Variants in USH2A observed in about 807,000 individuals in gnomAD.
USH2A encodes the protein usherin.
A neutral mutation model predicts 538.9 loss-of-function variants in USH2A; 443 were observed. That is an observed-to-expected ratio of 0.82 (90% CI 0.76 to 0.89). USH2A has a LOEUF of 0.89. USH2A is among the 40% of genes least tolerant of loss of function. The pLI is 0.00. For synonymous variants in USH2A, 2,413 were observed against 2,273.5 expected (o/e 1.06, Z -1.75); for missense variants, 6,633 against 6,324.8 (o/e 1.05, Z -1.65).
At chr1:215,965,242 C>T (rs1667309416) in intron 37 of USH2A, 75 bp downstream of exon 37, 8 of 1,500,266 alleles carry the variant, frequency 5.3e-6, no homozygotes, top group Non-Finnish European at 7.3e-6. Flanking sequence ...AAGATTTTAG[C>T]CAAAAGAAAG....
At chr1:216,272,876 T>C (rs2036602575) in intron 11 of USH2A, among the ~76,000 whole-genome samples, 1 of 152,066 alleles carries the variant, frequency 6.6e-6, no homozygotes, top group Non-Finnish European at 1.5e-5. Flanking sequence ...ATGTATTTCA[T>C]ATGTTCAGCT....
Position 215,925,076 on chromosome 1 carries a change from A to G in USH2A, c.7300+9540T>C, listed in dbSNP as rs183675336. ...AATTGTTCACAAATTATGAAACAGG[A>G]ATTTATCCCTCTCTTTGGCTTATGA... On this transcript the variant is annotated intron_variant, in intron 38 of 71. Coordinates refer to ENST00000307340, the MANE Select transcript of USH2A (RefSeq NM_206933.4). Among the ~76,000 whole-genome samples the G allele has an allele frequency of 4.6e-3, 699 of 152,258 alleles. 21 individuals carry two copies. Among genetic ancestry groups the G allele is most frequent in the Admixed American group, 0.042 (641 of 15,264 alleles).
chr1:216,280,645 G>A (rs1172161602), intron 11 of USH2A, among the ~76,000 whole-genome samples: 1 of 152,122 alleles, frequency 6.6e-6, no homozygotes, highest in East Asian at 1.9e-4. Flanking sequence ...TTAGGATTCA[G>A]TGACTCAGAG....
chr1:215,969,148 A>G (rs1207167299), intron 36 of USH2A, among the ~76,000 whole-genome samples: 1 of 152,194 alleles, frequency 6.6e-6, no homozygotes, highest in Non-Finnish European at 1.5e-5. Flanking sequence ...AAATAAAGAC[A>G]TTGCTCTTCA....
At chr1:216,208,639 A>G (rs1292223294) in intron 15 of USH2A, among the ~76,000 whole-genome samples, 1 of 152,082 alleles carries the variant, frequency 6.6e-6, no homozygotes, top group Non-Finnish European at 1.5e-5. Flanking sequence ...TCTCAAGCCA[A>G]CCCTGAACCC....
At position 216,421,988 on chromosome 1, in the gene USH2A, G is replaced by A. The variant is rs372053865; in HGVS notation, c.349C>T (p.His117Tyr). The A allele has an allele frequency of 2.5e-6, 4 of 1,613,834 alleles. No homozygotes were observed. Among genetic ancestry groups the A allele is most frequent in the Non-Finnish European group, 3.4e-6 (4 of 1,179,934 alleles). ...GCAGAATTGCTATGGGCGTTAGGAT[G>A]CAGATCATTCTTGTCTGGTGTGATG... is the stretch of plus-strand genomic sequence containing the variant. ...SCITPDKNDL[H>Y]PNAHSNSASF... The change falls in exon 2 of 72, where the codon CAT (histidine) becomes TAT (tyrosine). Residue 117 changes from histidine (H) to tyrosine (Y), a missense_variant. Coordinates refer to ENST00000307340, the MANE Select transcript of USH2A (RefSeq NM_206933.4).
intron 15 of USH2A, among the ~76,000 whole-genome samples, chr1:216,214,686 T>C (rs1473205368): frequency 6.6e-6 from 1 of 151,984 alleles, no homozygotes; most frequent in Admixed American, 6.6e-5. Flanking sequence ...TTGTTAAATA[T>C]ATAATATGTA....
chr1:216,078,490 T>G (rs2031830523), intron 26 of USH2A, 128 bp from the exon 27 acceptor site: 1 of 827,440 alleles, frequency 1.2e-6, no homozygotes, highest in Non-Finnish European at 2.0e-6. Context: ...TATAGAAATG[T>G]GTCACTCTAC....
At chr1:216,199,370 T>A (rs1359063172) in intron 17 of USH2A, among the ~76,000 whole-genome samples, 3 of 152,224 alleles carry the variant, frequency 2.0e-5, no homozygotes, top group Non-Finnish European at 4.4e-5. Flanking sequence ...TTATGGCAGA[T>A]GTCATTAAGA....
At chr1:215,960,310 C>T (rs1667167751) in intron 37 of USH2A, among the ~76,000 whole-genome samples, 1 of 152,018 alleles carries the variant, frequency 6.6e-6, no homozygotes, top group Non-Finnish European at 1.5e-5. Flanking sequence ...TACTACTATG[C>T]TGTAAAGTTT....
intron 38 of USH2A, among the ~76,000 whole-genome samples, chr1:215,906,923 TAA>T (rs778370517): frequency 7.9e-5 from 12 of 151,956 alleles, no homozygotes; most frequent in Admixed American, 6.6e-5. Context: ...GCAGAAAACT[TAA>T]AAGTCACCAA....
chr1:215,743,811 C>T (rs1571642440), intron 58 of USH2A, among the ~76,000 whole-genome samples: 1 of 132,730 alleles, frequency 7.5e-6, no homozygotes, highest in African/African-American at 2.8e-5. Context: ...CAGAGTGAGA[C>T]TCCGCCTCCA....
chr1:216,334,763 A>G (rs1194868983), intron 4 of USH2A, among the ~76,000 whole-genome samples: 1 of 151,946 alleles, frequency 6.6e-6, no homozygotes, highest in African/African-American at 2.4e-5. Context: ...CATCAGGAAA[A>G]TAAAACAATT....
chr1:216,173,530 A>G (rs1045892455), intron 21 of USH2A, among the ~76,000 whole-genome samples: 4 of 152,164 alleles, frequency 2.6e-5, no homozygotes, highest in African/African-American at 9.7e-5. Context: ...AGGCTTTGTT[A>G]TAGACAGAAG....
intron 11 of USH2A, among the ~76,000 whole-genome samples, chr1:216,271,553 T>C (rs1017261594): frequency 1.4e-4 from 21 of 152,086 alleles, no homozygotes; most frequent in African/African-American, 4.8e-4. Flanking sequence ...TCTGTTACAA[T>C]TTTTAGTAGA....
At chr1:215,685,051 A>C (rs1360899708) in intron 61 of USH2A, among the ~76,000 whole-genome samples, 1 of 152,118 alleles carries the variant, frequency 6.6e-6, no homozygotes, top group African/African-American at 2.4e-5. Flanking sequence ...TTTCTGATTT[A>C]GATTACAAAT....
intron 63 of USH2A, among the ~76,000 whole-genome samples, chr1:215,671,559 G>C (rs897344515): frequency 6.6e-6 from 1 of 151,984 alleles, no homozygotes; most frequent in Non-Finnish European, 1.5e-5. Flanking sequence ...GGAAATTTTT[G>C]AACAATCAAA....
intron 10 of USH2A, among the ~76,000 whole-genome samples, chr1:216,289,831 T>C (rs1029479663): frequency 2.0e-5 from 3 of 152,192 alleles, no homozygotes; most frequent in African/African-American, 7.2e-5. Context: ...AATATTTTTC[T>C]AGAACTCAAT....
At chr1:216,313,034 C>T (rs560197251) in intron 9 of USH2A, among the ~76,000 whole-genome samples, 11 of 152,228 alleles carry the variant, frequency 7.2e-5, no homozygotes, top group African/African-American at 2.6e-4. Context: ...TGGAAGACAA[C>T]TTTTCCACGA....
Sources: allele counts gnomAD v4.1 joint callset (sites outside exome capture counted in the v4.1 genomes callset), GRCh38; gene constraint gnomAD v4.1.1; transcripts MANE v1.5; gene names NCBI Gene and HGNC (gene_info 2026-07-23, HGNC 2026-07-21).